The following BCOR variants were observed in gnomAD, a reference collection of about 807,000 sequenced individuals.
BCOR encodes the protein BCL6 corepressor, also known as BCL-6 corepressor.
Under a neutral mutation model 86.7 loss-of-function variants are expected in BCOR, and 10 were observed. The ratio of observed to expected loss-of-function variants is 0.12; its 90% CI spans 0.07 to 0.20. The LOEUF is 0.20. Ranked by LOEUF, BCOR falls within the 10% of genes least tolerant of loss-of-function variation. BCOR has a pLI of 1.00. For synonymous variants in BCOR, 611 were observed against 609.0 expected (o/e 1.00, Z -0.05); for missense variants, 1,259 against 1,452.1 (o/e 0.87, Z 2.16).
Position 40,051,789 on chromosome X carries a change from T to C in BCOR, c.*320A>G. ...AGCTTTGTATGAAATTAAGTCAAAG[T>C]GTGGAGCTCCTTTTACTCATTTTTT... On this transcript the variant is annotated 3_prime_UTR_variant, in exon 15 of 15. Coordinates refer to ENST00000378444, the MANE Select transcript of BCOR (RefSeq NM_001123385.2). 1 of 217,393 alleles carries C rather than the reference T, an allele frequency of 4.6e-6. No individual in the cohort carries two copies. The highest frequency in any genetic ancestry group is 8.3e-6 in the Non-Finnish European group (1 of 120,379). The allele number at this position is 217,393 out of a possible 1,213,427, so 17.9% of individuals were successfully genotyped here. A position where few individuals can be genotyped will look rare whatever the true frequency, so the allele number is the denominator to read the frequency against.
At position 40,152,080 on chromosome X, in the gene BCOR, G is replaced by GA. The variant is rs748151826; in HGVS notation, c.-41+24926dup. 2.8e-4 allele frequency among the ~76,000 whole-genome samples: 31 copies of GA among 111,318 alleles called. No homozygotes were observed. In the East Asian group the frequency reaches 8.9e-3, roughly 32 times the overall value. On this transcript the variant is annotated intron_variant, in intron 1 of 14. Coordinates refer to the BCOR transcript ENST00000342274. ...CGGTCCCCACGGGGTGGGGTGGAGA[G>GA]AAGTTCACTGGGCACGGTGGGTAGG...
chrX:40,160,720 G>T (rs1473851904), intron 1 of BCOR, among the ~76,000 whole-genome samples: 1 of 97,543 alleles, frequency 1.0e-5, no homozygotes, highest in Non-Finnish European at 2.0e-5. Flanking sequence ...CTGGAGTGCA[G>T]TGGCACAATC....
upstream of BCOR, among the ~76,000 whole-genome samples, chrX:40,101,111 C>T (rs190660498): frequency 9.1e-6 from 1 of 110,174 alleles, no homozygotes. Context: ...ACCTATTGGC[C>T]CGGTTAGTTC....
rs935993787 is a variant in BCOR at position 40,092,872 on chromosome X, T to C, written c.-41+4343A>G. Among the ~76,000 whole-genome samples the C allele has an allele frequency of 2.7e-5, 3 of 112,491 alleles. No homozygotes were observed. The Admixed American group carries it at 2.8e-4, about 11-fold the overall frequency. On this transcript the variant is annotated intron_variant, in intron 1 of 14. Transcript: ENST00000378444. ...TTCCCTGTGAATAAGTGTGTGAATG[T>C]GGTTGTGTGGCCCACTCTTCTGTAC...
chrX:40,093,914 C>T (rs1452501886), intron 1 of BCOR, among the ~76,000 whole-genome samples: 2 of 111,450 alleles, frequency 1.8e-5, no homozygotes, highest in African/African-American at 6.5e-5. Flanking sequence ...TTCACAGCTC[C>T]CCGACTGAGA....
chrX:40,139,475 ATATATAT>A (rs1314507632), intron 1 of BCOR, among the ~76,000 whole-genome samples: 2 of 10,893 alleles, frequency 1.8e-4, no homozygotes, highest in African/African-American at 1.5e-3. Context: ...ATATATATAT[ATATATAT>A]ATATATATAT....
intron 1 of BCOR, among the ~76,000 whole-genome samples, chrX:40,155,369 G>A (rs1428385985): frequency 2.7e-5 from 3 of 112,210 alleles, no homozygotes; most frequent in African/African-American, 9.7e-5. Flanking sequence ...GCGGAGCAGA[G>A]GAGTCCGCAC....
intron 1 of BCOR, among the ~76,000 whole-genome samples, chrX:40,125,476 C>T (rs1202967133): frequency 9.0e-6 from 1 of 111,511 alleles, no homozygotes; most frequent in Admixed American, 9.6e-5. Flanking sequence ...TCAAGTGATC[C>T]ATCTGCCTCG....
chrX:40,060,462 C>A (rs1216055268), intron 10 of BCOR, among the ~76,000 whole-genome samples: 1 of 112,427 alleles, frequency 8.9e-6, no homozygotes, highest in African/African-American at 3.2e-5. Flanking sequence ...AGAGCACCCA[C>A]AAGGGTCTCT....
intron 1 of BCOR, among the ~76,000 whole-genome samples, chrX:40,126,210 G>A (rs1309562668): frequency 8.0e-5 from 6 of 74,946 alleles, no homozygotes; most frequent in Admixed American, 3.4e-4. Flanking sequence ...GCGAGACTCC[G>A]TCTCAAAAAA....
At chrX:40,086,216 G>A (rs1308040231) in intron 1 of BCOR, among the ~76,000 whole-genome samples, 2 of 111,189 alleles carry the variant, frequency 1.8e-5, no homozygotes, top group African/African-American at 3.3e-5. Flanking sequence ...CACAGCACCC[G>A]CCTGTCTCTA....
chrX:40,137,452 G>C (rs765000897), intron 1 of BCOR, among the ~76,000 whole-genome samples: 2 of 109,928 alleles, frequency 1.8e-5, no homozygotes, highest in Non-Finnish European at 3.8e-5. Flanking sequence ...GGAGGCTGAG[G>C]CTGGAGAATC....
chrX:40,052,411 G>C lies in BCOR; in HGVS notation c.4977-11C>G. The C allele has an allele frequency of 8.3e-7, 1 of 1,207,725 alleles. No homozygotes were observed. The highest frequency in any genetic ancestry group is 1.1e-6 in the Non-Finnish European group (1 of 892,085). ...AGCCAGTTTCGTGGCCTACAAAACA[G>C]AAAGGAAAATGCTTTGAGTTTCCAG... On this transcript the variant is annotated splice_polypyrimidine_tract_variant and intron_variant, in intron 14 of 14. Transcript: ENST00000378444.
At chrX:40,171,741 C>T (rs1360112833) in intron 1 of BCOR, among the ~76,000 whole-genome samples, 1 of 113,078 alleles carries the variant, frequency 8.8e-6, no homozygotes, top group Non-Finnish European at 1.9e-5. Flanking sequence ...TTTTATTCTT[C>T]CAGCCCTGTG....
In BCOR at chrX:40,080,815, CGTGTGTGTGTGTGTGTGT is replaced by C. The variant is rs533981374; in HGVS notation, c.-40-2864_-40-2847del. Among the ~76,000 whole-genome samples the C allele has an allele frequency of 7.0e-3, 462 of 65,991 alleles. 7 individuals carry two copies. Among genetic ancestry groups the C allele is most frequent in the African/African-American group, 0.021 (426 of 19,840 alleles). 57.3% of individuals were successfully genotyped at this position (65,991 alleles called of 115,157 possible). ...TGAGGCTAGCAGAGCGGTTCACTGT[CGTGTGTGTGTGTGTGTGT>C]GTGTGTGTGTGTGTGTGTGTGTGTG... is the stretch of plus-strand genomic sequence containing the variant. On this transcript the variant is annotated intron_variant, in intron 1 of 14. Coordinates refer to ENST00000378444, the MANE Select transcript of BCOR (RefSeq NM_001123385.2).
chrX:40,173,102 T>C (rs778266296), intron 1 of BCOR, among the ~76,000 whole-genome samples: 2 of 111,877 alleles, frequency 1.8e-5, no homozygotes, highest in African/African-American at 3.2e-5. Flanking sequence ...CTTTGGAAGG[T>C]TGGGGTCCAG....
At chrX:40,056,147 A>G (rs972756779) in intron 11 of BCOR, among the ~76,000 whole-genome samples, 2 of 110,064 alleles carry the variant, frequency 1.8e-5, no homozygotes, top group Admixed American at 9.7e-5. Context: ...CCAAGGCCTA[A>G]GAAGGAAGTC....
chrX:40,149,374 G>A (rs933028913), intron 1 of BCOR, among the ~76,000 whole-genome samples: 9 of 111,397 alleles, frequency 8.1e-5, no homozygotes, highest in Non-Finnish European at 1.7e-4. Flanking sequence ...GGGGACCCCT[G>A]GGGAGGCGGC....
chrX:40,066,408 A>T (rs1455938349), intron 6 of BCOR, among the ~76,000 whole-genome samples: 1 of 111,597 alleles, frequency 9.0e-6, no homozygotes, highest in African/African-American at 3.3e-5. Flanking sequence ...TAACAGCGCC[A>T]CTTTACAGTT....
Sources: gnomAD v4.1 joint callset for allele counts (sites outside exome capture counted in the v4.1 genomes callset) on GRCh38, gnomAD v4.1.1 for gene constraint, MANE v1.5 for transcripts, NCBI Gene and HGNC (gene_info 2026-07-23, HGNC 2026-07-21) for gene names.